Variants in BICC1 observed in about 807,000 individuals in gnomAD.
BICC1 encodes BicC family RNA binding protein 1.
In BICC1, 43 loss-of-function variants were observed where a neutral mutation model predicts 111.0. That is an observed-to-expected ratio of 0.39 (90% confidence interval 0.30 to 0.50). The LOEUF is 0.50. BICC1 is among the 20% of genes least tolerant of loss of function. BICC1 has a pLI of 0.88. For missense variants in BICC1, 1,091 were observed against 1,203.2 expected, an observed-to-expected ratio of 0.91 and a Z score of 1.38; for synonymous variants, 467 against 434.4, an observed-to-expected ratio of 1.07 and a Z score of -0.93.
intron 2 of BICC1, among the ~76,000 whole-genome samples, chr10:58,692,601 A>G (rs969285801): frequency 6.6e-5 from 10 of 152,220 alleles, no homozygotes; most frequent in Non-Finnish European, 1.2e-4. Flanking sequence ...ACTGAAAATT[A>G]ACACGTATTA....
chr10:58,788,437 A>C lies in BICC1; in HGVS notation c.600+14A>C. On this transcript the variant is annotated intron_variant, in intron 6 of 20. Transcript: ENST00000373886. ...GTTAGAATTCGGGTAACTATTTATTACTTTAACATTGTAAATTGATGTCAG... is the reference window on the plus strand; with the variant it reads ...GTTAGAATTCGGGTAACTATTTATTCCTTTAACATTGTAAATTGATGTCAG... 6.3e-7 allele frequency: 1 copy of C among 1,584,652 alleles called. No individual in the cohort carries two copies. The highest frequency in any genetic ancestry group is 8.7e-7 in the Non-Finnish European group (1 of 1,154,434).
intron 2 of BICC1, among the ~76,000 whole-genome samples, chr10:58,632,727 C>T (rs1371794837): frequency 6.6e-6 from 1 of 152,004 alleles, no homozygotes; most frequent in Non-Finnish European, 1.5e-5. Context: ...CTAATGGAGA[C>T]AAAATAGGCA....
intron 2 of BICC1, among the ~76,000 whole-genome samples, chr10:58,651,383 A>G (rs1238885314): frequency 6.6e-6 from 1 of 152,222 alleles, no homozygotes; most frequent in African/African-American, 2.4e-5. Context: ...AACTGCCTGC[A>G]GATCTTCATA....
chr10:58,586,509 G>A (rs1228362208), intron 1 of BICC1, among the ~76,000 whole-genome samples: 3 of 148,138 alleles, frequency 2.0e-5, no homozygotes, highest in East Asian at 2.1e-4. Flanking sequence ...GCTGAGGCAC[G>A]AGAATCACTT....
intron 3 of BICC1, among the ~76,000 whole-genome samples, chr10:58,707,585 A>C (rs1171299646): frequency 6.6e-6 from 1 of 152,080 alleles, no homozygotes; most frequent in Non-Finnish European, 1.5e-5. Flanking sequence ...GCTGGAGTGA[A>C]GTAGTGCAAT....
intron 1 of BICC1, among the ~76,000 whole-genome samples, chr10:58,575,589 T>G (rs116181289): frequency 0.041 from 6,225 of 152,040 alleles, 401 homozygotes; most frequent in African/African-American, 0.14. Flanking sequence ...GTTGTTGTTG[T>G]TGGTTTTTTT....
Position 58,632,878 on chromosome 10 carries a change from G to A in BICC1, c.237+11977G>A, listed in dbSNP as rs1027068082. On this transcript the variant is annotated intron_variant, in intron 2 of 20. Transcript: ENST00000373886. ...AGATAGATGGATAGATAGATAGATAGATAGATATCACTTCATCTGAGCTAG... is the reference window on the plus strand; with the variant it reads ...AGATAGATGGATAGATAGATAGATAAATAGATATCACTTCATCTGAGCTAG... 6.6e-5 allele frequency among the ~76,000 whole-genome samples: 10 copies of A among 152,054 alleles called. 1 individual carries two copies. The highest frequency in any genetic ancestry group is 6.6e-4 in the Admixed American group (10 of 15,252).
At chr10:58,621,822 C>T (rs1448818734) in intron 2 of BICC1, among the ~76,000 whole-genome samples, 4 of 151,842 alleles carry the variant, frequency 2.6e-5, no homozygotes, top group East Asian at 1.9e-4. Context: ...CACTTGAACC[C>T]GGAAGACAGA....
intron 1 of BICC1, among the ~76,000 whole-genome samples, chr10:58,556,770 C>T (rs183444704): frequency 9.2e-5 from 14 of 152,092 alleles, no homozygotes; most frequent in East Asian, 3.9e-4. Context: ...CATCAAAGTC[C>T]GAAAGAGTGT....
intron 3 of BICC1, among the ~76,000 whole-genome samples, chr10:58,731,617 A>T (rs1319531539): frequency 6.6e-6 from 1 of 152,214 alleles, no homozygotes; most frequent in African/African-American, 2.4e-5. Context: ...GCTTGGCAGC[A>T]TCTGCCTCTG....
At chr10:58,680,943 A>G (rs1052361042) in intron 2 of BICC1, among the ~76,000 whole-genome samples, 3 of 152,246 alleles carry the variant, frequency 2.0e-5, no homozygotes, top group Non-Finnish European at 4.4e-5. Flanking sequence ...TATTTAATAA[A>G]TGGTGTTGGG....
rs914501894 is a variant in BICC1 at position 58,777,734 on chromosome 10, G to GA, written c.308-7258dup. On this transcript the variant is annotated intron_variant, in intron 3 of 20. Transcript: ENST00000373886. ...TCTGTTAAATATTAAGTTTCATTTGGAAAAAAAAAGAATCTTGATATGAAG... is the reference window on the plus strand; with the variant it reads ...TCTGTTAAATATTAAGTTTCATTTGGAAAAAAAAAAGAATCTTGATATGAAG... Among the ~76,000 whole-genome samples the GA allele has an allele frequency of 3.1e-4, 46 of 150,224 alleles. 1 individual carries two copies. The highest frequency in any genetic ancestry group is 1.7e-3 in the Admixed American group (26 of 15,094).
In BICC1 at chr10:58,808,528, T is replaced by C. The variant is rs191417678; in HGVS notation, c.2376+1370T>C. Among the ~76,000 whole-genome samples, 1,160 of 152,176 alleles carry C rather than the reference T, an allele frequency of 7.6e-3. 8 individuals are homozygous for C. The highest frequency in any genetic ancestry group is 0.013 in the Non-Finnish European group (915 of 68,004). On this transcript the variant is annotated intron_variant, in intron 17 of 20. Coordinates refer to ENST00000373886, the MANE Select transcript of BICC1 (RefSeq NM_001080512.3). ...CAACAGTAGGACAAGTTGAAAATGA[T>C]GTTCATTTCGGTAATGGAGTGGTCA...
rs775922178 is a variant in BICC1, at chr10:58,513,322, C to T, written c.179C>T (p.Ala60Val). 1.9e-6 allele frequency: 3 copies of T among 1,606,904 alleles called. No homozygotes were observed. Among genetic ancestry groups the T allele is most frequent in the Non-Finnish European group, 2.6e-6 (3 of 1,175,700 alleles). Residue 60 changes from alanine to valine, a missense_variant, in exon 1 of 21, where the codon GCC (alanine) becomes GTC (valine). Around this residue, in one of 3 missense-constraint regions of BICC1, gnomAD observed 843 missense variants for 900.8 expected, o/e 0.94. Coordinates refer to ENST00000373886, the MANE Select transcript of BICC1 (RefSeq NM_001080512.3). ...RFRVDRKKLE[A>V]MLQAAAEGKG... Reference sequence around the variant, plus strand: ...CGCGTGGACAGGAAGAAACTTGAGGCCATGTTACAAGGTAGGCATCCCTCG... The same window carrying T: ...CGCGTGGACAGGAAGAAACTTGAGGTCATGTTACAAGGTAGGCATCCCTCG...
At chr10:58,669,162 C>CT (rs930399423) in intron 2 of BICC1, among the ~76,000 whole-genome samples, 18 of 148,740 alleles carry the variant, frequency 1.2e-4, no homozygotes, top group South Asian at 2.1e-4. Flanking sequence ...AATGACAGTT[C>CT]TTTTTTTTTT....
chr10:58,667,444 TC>T (rs57140766), intron 2 of BICC1, among the ~76,000 whole-genome samples: 152,150 of 152,156 alleles, frequency 1, 76,072 homozygotes, highest in Middle Eastern at 1. Flanking sequence ...CTCTTATAAT[TC>T]TTAGGGAAGG....
chr10:58,552,865 AG>A (rs1005989974), intron 1 of BICC1, among the ~76,000 whole-genome samples: 3 of 152,180 alleles, frequency 2.0e-5, no homozygotes, highest in Admixed American at 6.5e-5. Flanking sequence ...TTTTTTAAAC[AG>A]GGCTTTCCTC....
At chr10:58,624,221 A>T (rs912828051) in intron 2 of BICC1, among the ~76,000 whole-genome samples, 10 of 152,158 alleles carry the variant, frequency 6.6e-5, no homozygotes, top group Non-Finnish European at 1.2e-4. Context: ...TAAAGACACC[A>T]ATTATATTGG....
intron 3 of BICC1, among the ~76,000 whole-genome samples, chr10:58,712,653 G>A (rs1840613220): frequency 6.6e-6 from 1 of 152,134 alleles, no homozygotes; most frequent in South Asian, 2.1e-4. Context: ...TGTAGAAAAA[G>A]CAAAACTTTG....
Sources: gnomAD v4.1 joint callset for allele counts (sites outside exome capture counted in the v4.1 genomes callset) on GRCh38, gnomAD v4.1.1 for gene constraint, gnomAD v4.1.1 regional missense constraint, MANE v1.5 for transcripts, NCBI Gene and HGNC (gene_info 2026-07-23, HGNC 2026-07-21) for gene names.